CETP: variants seen among roughly 807,000 people sequenced by gnomAD.
CETP encodes cholesteryl ester transfer protein, also known as BPI fold containing family F.
A neutral mutation model predicts 66.5 loss-of-function variants in CETP; 56 were observed. That is an observed-to-expected ratio of 0.84 (90% CI 0.68 to 1.05). The LOEUF (loss-of-function observed/expected upper bound fraction) is 1.05, where lower values mean the gene tolerates loss of function less well. Among genes scored for constraint, CETP ranks in the 50% least tolerant of loss-of-function variants. CETP has a pLI of 0.00. For missense variants in CETP, 612 were observed against 609.6 expected, an observed-to-expected ratio of 1.00 and a Z score of -0.04; for synonymous variants, 251 against 245.7, an observed-to-expected ratio of 1.02 and a Z score of -0.20.
In CETP at chr16:56,969,977, T is replaced by G. The variant is rs1329944838; in HGVS notation, c.503T>G (p.Leu168Arg). Residue 168 changes from leucine to arginine, a missense_variant, in exon 5 of 16, where the codon CTC (leucine) becomes CGC (arginine). Coordinates refer to ENST00000200676, the MANE Select transcript of CETP (RefSeq NM_000078.3). ...PDCYLSFHKL[L>R]LHLQGEREPG... Reference sequence around the variant, plus strand: ...TGCTACCTGTCTTTCCATAAGCTGCTCCTGCATCTCCAAGGGGAGCGAGAG... The same window carrying G: ...TGCTACCTGTCTTTCCATAAGCTGCGCCTGCATCTCCAAGGGGAGCGAGAG... 6.2e-7 allele frequency: 1 copy of G among 1,614,086 alleles called. No individual in the cohort carries two copies.
Position 56,973,518 on chromosome 16 carries a change from G to A in CETP, c.930+8G>A, listed in dbSNP as rs748614926. ...ATGGGAGACGAGTTCAAGGTGAGTG[G>A]GTGGGGCTGGGCTGCTAGGGGATCC... On this transcript the variant is annotated splice_region_variant and intron_variant, in intron 9 of 15. Transcript: ENST00000200676. 1 of 1,614,064 alleles carries A rather than the reference G, an allele frequency of 6.2e-7. No homozygotes were observed. Among genetic ancestry groups the A allele is most frequent in the South Asian group, 1.1e-5 (1 of 91,074 alleles).
intron 14 of CETP, among the ~76,000 whole-genome samples, chr16:56,983,056 A>G (rs2056200026): frequency 6.6e-6 from 1 of 152,246 alleles, no homozygotes; most frequent in Admixed American, 6.5e-5. Flanking sequence ...ACTGCAGGTC[A>G]TGTGGCCATT....
intron 2 of CETP, among the ~76,000 whole-genome samples, chr16:56,965,863 C>T (rs1367142192): frequency 2.1e-5 from 3 of 141,400 alleles, no homozygotes; most frequent in Admixed American, 7.1e-5. Context: ...ACCAAGTCCC[C>T]GGCGGCACAG....
intron 9 of CETP, among the ~76,000 whole-genome samples, chr16:56,974,494 GC>G (rs1234691856): frequency 6.6e-6 from 1 of 152,146 alleles, no homozygotes; most frequent in East Asian, 1.9e-4. Flanking sequence ...ACTATGTGTT[GC>G]CAGATAGATA....
intron 8 of CETP, 150 bp from the exon 9 acceptor site, chr16:56,973,181 C>G: frequency 1.3e-6 from 1 of 784,058 alleles, no homozygotes; most frequent in Non-Finnish European, 2.1e-6. Context: ...TGAGTGAAAG[C>G]CCCGCTGGGG....
At chr16:56,976,617 G>T (rs937785448) in intron 10 of CETP, among the ~76,000 whole-genome samples, 5 of 151,764 alleles carry the variant, frequency 3.3e-5, no homozygotes, top group Non-Finnish European at 7.4e-5. Context: ...GTGAGCCACA[G>T]CACCCAGCCC....
intron 9 of CETP, among the ~76,000 whole-genome samples, chr16:56,974,027 C>G (rs2056132611): frequency 1.3e-5 from 2 of 152,164 alleles, no homozygotes. Flanking sequence ...GGTCAGGGGT[C>G]CATCTTTAAC....
At chr16:56,978,284 T>C (rs756152268) in intron 11 of CETP, 29 bp downstream of exon 11, 3 of 1,613,426 alleles carry the variant, frequency 1.9e-6, no homozygotes, top group Non-Finnish European at 1.7e-6. Context: ...GAGGTGGTGG[T>C]GGGGGAACCT....
Position 56,983,442 on chromosome 16 carries a change from G to A in CETP, c.1407+31G>A, listed in dbSNP as rs367834066. ...TACAAAGCCCCCCTCACCAGCCCCT[G>A]TTCCTGGGGAGAGAGGCCCAGACAG... On this transcript the variant is annotated intron_variant, in intron 15 of 15. Coordinates refer to ENST00000200676, the MANE Select transcript of CETP (RefSeq NM_000078.3). 24 of 1,611,124 alleles carry A rather than the reference G, an allele frequency of 1.5e-5. No individual in the cohort carries two copies. In the African/African-American group the frequency reaches 2.8e-4, roughly 19 times the overall value.
intron 2 of CETP, among the ~76,000 whole-genome samples, chr16:56,969,118 T>C (rs1206773915): frequency 3.3e-5 from 5 of 152,088 alleles, no homozygotes; most frequent in Non-Finnish European, 7.4e-5. Context: ...CCTGTGATTG[T>C]ATTGGGACCA....
chr16:56,973,585 G>A (rs1174090809), intron 9 of CETP, 75 bp downstream of exon 9: 1 of 1,543,008 alleles, frequency 6.5e-7, no homozygotes, highest in Non-Finnish European at 8.9e-7. Flanking sequence ...CGCATGGGGA[G>A]GAGGGAGGAA....
In CETP at chr16:56,982,052, AT is replaced by A. The variant is rs1480864694; in HGVS notation, c.1249-106del. On this transcript the variant is annotated intron_variant, in intron 13 of 15. Coordinates refer to ENST00000200676, the MANE Select transcript of CETP (RefSeq NM_000078.3). Reference sequence around the variant, plus strand: ...CAGGAAAACGGAGTGGGTTGGATGTATTTTTTTCACGGATGGGCATGAGGAT... The same window carrying A: ...CAGGAAAACGGAGTGGGTTGGATGTATTTTTTCACGGATGGGCATGAGGAT... The A allele has an allele frequency of 4.8e-6, 5 of 1,042,124 alleles. No individual in the cohort carries two copies. The East Asian group carries it at 7.2e-5, about 15-fold the overall frequency. The allele number at this position is 1,042,124 out of a possible 1,614,324, so 64.6% of individuals were successfully genotyped here. A position where few individuals can be genotyped will look rare whatever the true frequency, so the allele number is the denominator to read the frequency against.
intron 2 of CETP, among the ~76,000 whole-genome samples, chr16:56,967,359 CA>C (rs1215088492): frequency 7.9e-6 from 1 of 127,326 alleles, no homozygotes; most frequent in African/African-American, 2.7e-5. Flanking sequence ...AACAAACAAA[CA>C]AACAAAAAAA....
At chr16:56,976,047 C>T (rs1239078200) in intron 10 of CETP, among the ~76,000 whole-genome samples, 1 of 152,214 alleles carries the variant, frequency 6.6e-6, no homozygotes, top group Non-Finnish European at 1.5e-5. Context: ...ACACAACTCA[C>T]AATATTGGGC....
chr16:56,979,055 G>A (rs1389963464), intron 11 of CETP, among the ~76,000 whole-genome samples: 1 of 152,030 alleles, frequency 6.6e-6, no homozygotes, highest in Non-Finnish European at 1.5e-5. Flanking sequence ...TGAGACTCCT[G>A]GTTTCAAGTG....
At chr16:56,978,507 G>T (rs2056166360) in intron 11 of CETP, among the ~76,000 whole-genome samples, 1 of 151,962 alleles carries the variant, frequency 6.6e-6, no homozygotes, top group Non-Finnish European at 1.5e-5. Context: ...TAGAGACAGG[G>T]TCTCACTCTG....
At chr16:56,968,406 T>G (rs2056083856) in intron 2 of CETP, among the ~76,000 whole-genome samples, 1 of 152,124 alleles carries the variant, frequency 6.6e-6, no homozygotes, top group South Asian at 2.1e-4. Flanking sequence ...AGGCTGGTCA[T>G]GAACTCCTGA....
intron 13 of CETP, 39 bp from the exon 14 acceptor site, chr16:56,982,126 T>C: frequency 6.3e-7 from 1 of 1,589,306 alleles, no homozygotes. Context: ...GTCACTTCTG[T>C]GCTCCAGGGA....
intron 2 of CETP, 89 bp downstream of exon 2, chr16:56,963,213 G>A (rs2056038571): frequency 9.7e-7 from 1 of 1,031,842 alleles, no homozygotes; most frequent in South Asian, 1.3e-5. Context: ...GGGAGGAAAG[G>A]CAGCAGCTGG....
Sources: gnomAD v4.1 joint callset for allele counts (sites outside exome capture counted in the v4.1 genomes callset) on GRCh38, gnomAD v4.1.1 for gene constraint, MANE v1.5 for transcripts, NCBI Gene and HGNC (gene_info 2026-07-23, HGNC 2026-07-21) for gene names.